The following VWC2L variants were observed in gnomAD, a reference collection of about 807,000 sequenced individuals.
VWC2L encodes von Willebrand factor C domain-containing protein 2-like.
In VWC2L, 10 loss-of-function variants were observed where a neutral mutation model predicts 21.6. The ratio of observed to expected loss-of-function variants is 0.46; its 90% CI spans 0.29 to 0.78. The LOEUF is 0.78. VWC2L is among the 30% of genes least tolerant of loss of function. The pLI is 0.10. For synonymous variants in VWC2L, 96 were observed against 94.3 expected, an observed-to-expected ratio of 1.02 and a Z score of -0.10; for missense variants, 209 against 277.1, an observed-to-expected ratio of 0.75 and a Z score of 1.74.
At chr2:214,425,854 T>G (rs1024556380) in intron 2 of VWC2L, among the ~76,000 whole-genome samples, 7 of 152,084 alleles carry the variant, frequency 4.6e-5, no homozygotes, top group Non-Finnish European at 8.8e-5. Flanking sequence ...TAGCTTATGA[T>G]GACTGCTCTA....
At chr2:214,513,564 T>C (rs1689092238) in intron 3 of VWC2L, among the ~76,000 whole-genome samples, 1 of 152,134 alleles carries the variant, frequency 6.6e-6, no homozygotes, top group Admixed American at 6.5e-5. Flanking sequence ...AACTGTGACA[T>C]GAATGGAAGT....
At chr2:214,511,946 ACACAC>A (rs1689063013) in intron 3 of VWC2L, among the ~76,000 whole-genome samples, 1 of 150,128 alleles carries the variant, frequency 6.7e-6, no homozygotes, top group East Asian at 2.0e-4. Context: ...ACACACACAC[ACACAC>A]ACCTGGTCAT....
intron 3 of VWC2L, among the ~76,000 whole-genome samples, chr2:214,531,230 A>G (rs1689430223): frequency 6.6e-6 from 1 of 152,158 alleles, no homozygotes. Flanking sequence ...CCCTACCTAC[A>G]CAGCAAATAT....
At chr2:214,453,469 G>A (rs1389271770) in intron 3 of VWC2L, among the ~76,000 whole-genome samples, 1 of 152,080 alleles carries the variant, frequency 6.6e-6, no homozygotes, top group East Asian at 1.9e-4. Context: ...TTTTCTATCT[G>A]AAGTTTAGAA....
At chr2:214,422,169 T>C (rs1238785795) in intron 2 of VWC2L, among the ~76,000 whole-genome samples, 1 of 152,054 alleles carries the variant, frequency 6.6e-6, no homozygotes, top group African/African-American at 2.4e-5. Context: ...ATTACAGGCG[T>C]GAGCCACCGC....
intron 3 of VWC2L, among the ~76,000 whole-genome samples, chr2:214,526,429 G>A (rs1023447428): frequency 6.6e-6 from 1 of 151,988 alleles, no homozygotes; most frequent in Admixed American, 6.6e-5. Flanking sequence ...GGCATTTTTC[G>A]ATTCGTTCAC....
intron 3 of VWC2L, among the ~76,000 whole-genome samples, chr2:214,561,257 A>G (rs1012493681): frequency 6.6e-6 from 1 of 152,112 alleles, no homozygotes; most frequent in Admixed American, 6.6e-5. Flanking sequence ...CACCCTTTGA[A>G]AACTCCTATC....
intron 3 of VWC2L, among the ~76,000 whole-genome samples, chr2:214,451,149 A>C (rs1231879806): frequency 6.6e-6 from 1 of 152,122 alleles, no homozygotes; most frequent in Non-Finnish European, 1.5e-5. Flanking sequence ...AGATTTTTTC[A>C]ATCAGAAAAT....
chr2:214,438,422 C>T (rs1702714240), intron 3 of VWC2L, among the ~76,000 whole-genome samples: 1 of 151,782 alleles, frequency 6.6e-6, no homozygotes. Flanking sequence ...CTGGAAGCAA[C>T]TGTCTAAACA....
chr2:214,561,784 T>TTATATATATATATATA lies in VWC2L; in HGVS notation c.521-13877_521-13862dup, dbSNP rs67223012. 6.6e-3 allele frequency among the ~76,000 whole-genome samples: 848 copies of TTATATATATATATATA among 128,200 alleles called. 11 individuals carry two copies. The highest frequency in any genetic ancestry group is 0.016 in the African/African-American group (465 of 29,284). The allele number at this position is 128,200 out of a possible 152,430, so 84.1% of individuals were successfully genotyped here. A position where few individuals can be genotyped will look rare whatever the true frequency, so the allele number is the denominator to read the frequency against. On this transcript the variant is annotated intron_variant, in intron 3 of 3. Transcript: ENST00000312504. ...GAGTAATACCTTATCTCAAAAAAAA[T>TTATATATATATATATA]TATATATATATATATATATATATAT...
intron 3 of VWC2L, among the ~76,000 whole-genome samples, chr2:214,484,289 C>T (rs1688646259): frequency 6.6e-6 from 1 of 152,148 alleles, no homozygotes; most frequent in African/African-American, 2.4e-5. Context: ...CAGTACAGTA[C>T]AAGGATGCTA....
At chr2:214,486,818 C>G (rs1482289111) in intron 3 of VWC2L, among the ~76,000 whole-genome samples, 2 of 152,104 alleles carry the variant, frequency 1.3e-5, no homozygotes, top group African/African-American at 2.4e-5. Flanking sequence ...GATCTGAAAA[C>G]AAAATAAAGC....
Position 214,421,885 on chromosome 2 carries a change from C to CTTTTTTTTTTTTTTTTTTTTTTTTT in VWC2L, c.390+7326_390+7327insTTTTTTTTTTTTTTTTTTTTTTTTT. Among the ~76,000 whole-genome samples the CTTTTTTTTTTTTTTTTTTTTTTTTT allele has an allele frequency of 8.8e-4, 67 of 76,168 alleles. 16 individuals are homozygous for CTTTTTTTTTTTTTTTTTTTTTTTTT. The highest frequency in any genetic ancestry group is 2.0e-3 in the African/African-American group (32 of 15,716). 50.0% of individuals were successfully genotyped at this position (76,168 alleles called of 152,430 possible). A position where few individuals can be genotyped will look rare whatever the true frequency, so the allele number is the denominator to read the frequency against. The stretch of plus-strand genomic sequence containing the variant: ...CATAATTTTTTTCTATTTCCTACAT[C>CTTTTTTTTTTTTTTTTTTTTTTTTT]TTTTTTTTTTTTTTTTTTTTTTTTG... On this transcript the variant is annotated intron_variant, in intron 2 of 3. Transcript: ENST00000312504.
At chr2:214,451,367 G>A (rs1267662065) in intron 3 of VWC2L, among the ~76,000 whole-genome samples, 1 of 149,716 alleles carries the variant, frequency 6.7e-6, no homozygotes, top group Non-Finnish European at 1.5e-5. Flanking sequence ...CTGTGAGAAT[G>A]TTCTACTAAG....
At chr2:214,466,247 C>G (rs1260251530) in intron 3 of VWC2L, among the ~76,000 whole-genome samples, 1 of 152,128 alleles carries the variant, frequency 6.6e-6, no homozygotes, top group Non-Finnish European at 1.5e-5. Flanking sequence ...AAGATACTTT[C>G]ACTAGTGTAA....
At chr2:214,572,291 C>T (rs2105934923) in intron 3 of VWC2L, among the ~76,000 whole-genome samples, 1 of 152,290 alleles carries the variant, frequency 6.6e-6, no homozygotes, top group East Asian at 1.9e-4. Context: ...AATAAGCCTT[C>T]ATTCTTTGAG....
At chr2:214,534,471 G>T (rs934276376) in intron 3 of VWC2L, among the ~76,000 whole-genome samples, 12 of 152,122 alleles carry the variant, frequency 7.9e-5, no homozygotes, top group African/African-American at 2.4e-4. Context: ...TTAACAGAAA[G>T]AAATACATCA....
At position 214,496,899 on chromosome 2, in the gene VWC2L, T is replaced by C. The variant is rs1257133198; in HGVS notation, c.520+60141T>C. On this transcript the variant is annotated intron_variant, in intron 3 of 3. Transcript: ENST00000312504. ...ATCAGAAATGGAGGTGTATTTGTCATGGTCCTTCATATGTGCATGTGTGTA... is the reference window on the plus strand; with the variant it reads ...ATCAGAAATGGAGGTGTATTTGTCACGGTCCTTCATATGTGCATGTGTGTA... 1.3e-5 allele frequency among the ~76,000 whole-genome samples: 2 copies of C among 152,208 alleles called. 1 individual carries two copies. The highest frequency in any genetic ancestry group is 2.9e-5 in the Non-Finnish European group (2 of 68,040).
intron 3 of VWC2L, among the ~76,000 whole-genome samples, chr2:214,464,129 T>C (rs552275347): frequency 1.3e-4 from 20 of 152,298 alleles, no homozygotes; most frequent in African/African-American, 4.6e-4. Context: ...CACATATCTT[T>C]ATCACTCTGA....
Sources: gnomAD v4.1 joint callset for allele counts (sites outside exome capture counted in the v4.1 genomes callset) on GRCh38, gnomAD v4.1.1 for gene constraint, MANE v1.5 for transcripts, NCBI Gene and HGNC (gene_info 2026-07-23, HGNC 2026-07-21) for gene names.